LHFPL1: variants seen among roughly 807,000 people sequenced by gnomAD.
The protein encoded by LHFPL1 is LHFPL tetraspan subfamily member 1.
In LHFPL1, 4 loss-of-function variants were observed where a neutral mutation model predicts 12.1. That is an observed-to-expected ratio of 0.33 (90% CI 0.16 to 0.76). LHFPL1 has a LOEUF of 0.76. Among genes scored for constraint, LHFPL1 ranks in the 30% least tolerant of loss-of-function variants. LHFPL1 has a pLI of 0.61. For synonymous variants in LHFPL1, 52 were observed against 61.9 expected, an observed-to-expected ratio of 0.84 and a Z score of 0.75; for missense variants, 141 against 174.1, an observed-to-expected ratio of 0.81 and a Z score of 1.07.
At chrX:112,639,927 A>G (rs1309664742) in intron 3 of LHFPL1, among the ~76,000 whole-genome samples, 1 of 112,148 alleles carries the variant, frequency 8.9e-6, no homozygotes, top group Non-Finnish European at 1.9e-5. Flanking sequence ...GTTAAAACCC[A>G]TCTGACCAAA....
chrX:112,640,431 A>C (rs1375858810), intron 3 of LHFPL1, among the ~76,000 whole-genome samples: 1 of 111,880 alleles, frequency 8.9e-6, no homozygotes, highest in Admixed American at 9.5e-5. Context: ...GTGGCTGGGC[A>C]AGAGAAGAAG....
At chrX:112,649,487 A>G (rs1404791693) in intron 3 of LHFPL1, among the ~76,000 whole-genome samples, 5 of 112,077 alleles carry the variant, frequency 4.5e-5, no homozygotes. Flanking sequence ...CATTCATGCT[A>G]TTCTTCAAAG....
chrX:112,660,833 C>T, intron 2 of LHFPL1, 108 bp from the exon 3 acceptor site: 1 of 539,609 alleles, frequency 1.9e-6, no homozygotes, highest in Non-Finnish European at 3.0e-6. Context: ...ACTGAGCTTA[C>T]ACTTCCCCCT....
At position 112,653,680 on chromosome X, in the gene LHFPL1, T is replaced by C. The variant is rs866317668; in HGVS notation, c.481+6947A>G. On this transcript the variant is annotated intron_variant, in intron 3 of 3. Coordinates refer to ENST00000371968, the MANE Select transcript of LHFPL1 (RefSeq NM_178175.4). ...CTTCGATGGCAAGCCTGCCTGGGAG[T>C]TGGAGATGAGCTGCTAGAAAGGGCT... Among the ~76,000 whole-genome samples the C allele has an allele frequency of 8.1e-5, 9 of 110,583 alleles. No individual in the cohort carries two copies. In the East Asian group the frequency reaches 1.1e-3, roughly 14 times the overall value.
At chrX:112,673,754 T>G (rs1348234110) in intron 1 of LHFPL1, among the ~76,000 whole-genome samples, 2 of 112,048 alleles carry the variant, frequency 1.8e-5, no homozygotes, top group Non-Finnish European at 3.8e-5. Context: ...TTTCTCACTT[T>G]TCTTTTACCT....
chrX:112,659,581 C>T (rs751686541), intron 3 of LHFPL1, among the ~76,000 whole-genome samples: 28 of 111,773 alleles, frequency 2.5e-4, no homozygotes, highest in Middle Eastern at 4.6e-3. Flanking sequence ...TATATATCAA[C>T]GAAACTGTCA....
intron 1 of LHFPL1, 52 bp from the exon 2 acceptor site, chrX:112,671,456 C>A (rs779800358): frequency 2.7e-5 from 33 of 1,203,913 alleles, no homozygotes; most frequent in Non-Finnish European, 3.5e-5. Context: ...CAGTAAGTTA[C>A]CATGTAGGCT....
chrX:112,657,209 A>C (rs1055621558), intron 3 of LHFPL1, among the ~76,000 whole-genome samples: 4 of 112,421 alleles, frequency 3.6e-5, no homozygotes, highest in Non-Finnish European at 5.6e-5. Context: ...AATAACAATA[A>C]AATACTTATG....
intron 1 of LHFPL1, among the ~76,000 whole-genome samples, chrX:112,676,259 C>G (rs907406661): frequency 8.9e-6 from 1 of 112,251 alleles, no homozygotes; most frequent in African/African-American, 3.2e-5. Flanking sequence ...ATATTTTATT[C>G]TATCTTAATT....
intron 3 of LHFPL1, among the ~76,000 whole-genome samples, chrX:112,646,720 G>T (rs1168813362): frequency 4.6e-5 from 5 of 109,581 alleles, no homozygotes; most frequent in African/African-American, 1.0e-4. Context: ...TATACTAAAA[G>T]ATTGATGGGG....
chrX:112,642,501 A>C (rs970944856), intron 3 of LHFPL1, among the ~76,000 whole-genome samples: 1 of 108,781 alleles, frequency 9.2e-6, no homozygotes. Flanking sequence ...CTGAGAAAGC[A>C]GCAGAGAATG....
chrX:112,657,117 G>A (rs1931028302), intron 3 of LHFPL1, among the ~76,000 whole-genome samples: 1 of 112,346 alleles, frequency 8.9e-6, no homozygotes, highest in African/African-American at 3.2e-5. Context: ...CTTTATTTCT[G>A]TATAATAACA....
intron 1 of LHFPL1, among the ~76,000 whole-genome samples, chrX:112,678,081 A>G (rs1308327030): frequency 1.8e-5 from 2 of 111,002 alleles, no homozygotes. Flanking sequence ...GGACTAACTG[A>G]GCAATTGATA....
intron 1 of LHFPL1, among the ~76,000 whole-genome samples, chrX:112,676,586 C>T (rs191513535): frequency 1.1e-4 from 12 of 112,116 alleles, no homozygotes; most frequent in African/African-American, 3.6e-4. Flanking sequence ...ATTTGCTATC[C>T]TTACTAAAGC....
chrX:112,649,257 A>G (rs2147708858), intron 3 of LHFPL1, among the ~76,000 whole-genome samples: 1 of 112,176 alleles, frequency 8.9e-6, no homozygotes, highest in South Asian at 3.7e-4. Context: ...TATTTGGACC[A>G]GGACTTTCTT....
At chrX:112,638,001 G>C (rs1010745896) in intron 3 of LHFPL1, among the ~76,000 whole-genome samples, 6 of 111,166 alleles carry the variant, frequency 5.4e-5, no homozygotes, top group Non-Finnish European at 7.5e-5. Flanking sequence ...AAGTGGTTTG[G>C]AGTTTCAGGG....
At chrX:112,664,571 C>T (rs1377167755) in intron 2 of LHFPL1, among the ~76,000 whole-genome samples, 1 of 110,755 alleles carries the variant, frequency 9.0e-6, no homozygotes, top group African/African-American at 3.3e-5. Flanking sequence ...CCTGCCCTCC[C>T]ACCCCCGCCA....
intron 1 of LHFPL1, among the ~76,000 whole-genome samples, chrX:112,674,186 T>C (rs1176048057): frequency 9.0e-6 from 1 of 110,880 alleles, no homozygotes; most frequent in African/African-American, 3.3e-5. Context: ...AAACATAAAG[T>C]GGGGAAAGGA....
chrX:112,660,017 A>C (rs889823022), intron 3 of LHFPL1, among the ~76,000 whole-genome samples: 1 of 112,107 alleles, frequency 8.9e-6, no homozygotes, highest in Non-Finnish European at 1.9e-5. Flanking sequence ...ACTCTCTTTC[A>C]TCATGATAGG....
Sources: gnomAD v4.1 joint callset for allele counts (sites outside exome capture counted in the v4.1 genomes callset) on GRCh38, gnomAD v4.1.1 for gene constraint, MANE v1.5 for transcripts, NCBI Gene and HGNC (gene_info 2026-07-23, HGNC 2026-07-21) for gene names.